The following MIPOL1 variants were observed in gnomAD, a reference collection of about 807,000 sequenced individuals.
The protein encoded by MIPOL1 is mirror-image polydactyly 1.
A neutral mutation model predicts 60.9 loss-of-function variants in MIPOL1; 57 were observed. The observed-to-expected ratio is 0.94, with a 90% CI of 0.76 to 1.17. MIPOL1 has a LOEUF of 1.17. MIPOL1 is among the 50% of genes most tolerant of loss of function. The pLI is 0.00. For missense variants in MIPOL1, 551 were observed against 511.6 expected, an observed-to-expected ratio of 1.08 and a Z score of -0.74; for synonymous variants, 179 against 168.8, an observed-to-expected ratio of 1.06 and a Z score of -0.47.
intron 9 of MIPOL1, among the ~76,000 whole-genome samples, chr14:37,344,358 T>C (rs2090790222): frequency 6.6e-6 from 1 of 151,992 alleles, no homozygotes; most frequent in Admixed American, 6.6e-5. Flanking sequence ...CTTTTCGAGT[T>C]TTCCAGTTTT....
chr14:37,443,723 G>T (rs2094288211), intron 11 of MIPOL1, among the ~76,000 whole-genome samples: 1 of 143,998 alleles, frequency 6.9e-6, no homozygotes, highest in Admixed American at 7.0e-5. Flanking sequence ...GAAAACTCAG[G>T]CCAAAGTCCT....
chr14:37,362,012 T>C (rs1366552645), intron 9 of MIPOL1, among the ~76,000 whole-genome samples: 1 of 152,188 alleles, frequency 6.6e-6, no homozygotes, highest in Non-Finnish European at 1.5e-5. Context: ...TGTCTCTGCA[T>C]GTGAGATGGG....
chr14:37,360,839 G>C (rs1487711720), intron 9 of MIPOL1, among the ~76,000 whole-genome samples: 4 of 152,182 alleles, frequency 2.6e-5, no homozygotes, highest in Middle Eastern at 3.4e-3. Flanking sequence ...TCTGATCTTA[G>C]TTATTTCTTG....
intron 9 of MIPOL1, among the ~76,000 whole-genome samples, chr14:37,351,056 CCCT>C (rs200100803): frequency 0.028 from 1,248 of 44,278 alleles, 52 homozygotes; most frequent in African/African-American, 0.08. Flanking sequence ...TATCCCTCCC[CCCT>C]CCCCCCACCC....
At chr14:37,521,435 A>G (rs183214643) in intron 12 of MIPOL1, among the ~76,000 whole-genome samples, 172 of 152,284 alleles carry the variant, frequency 1.1e-3, no homozygotes, top group African/African-American at 4.0e-3. Context: ...TGATCAAATG[A>G]ACACAATTTA....
chr14:37,316,185 C>T (rs1248859565), intron 9 of MIPOL1, among the ~76,000 whole-genome samples: 1 of 151,930 alleles, frequency 6.6e-6, no homozygotes, highest in African/African-American at 2.4e-5. Context: ...CACCACCATG[C>T]CTGGCTAATT....
intron 6 of MIPOL1, among the ~76,000 whole-genome samples, chr14:37,280,971 C>T (rs776198545): frequency 6.6e-6 from 1 of 152,142 alleles, no homozygotes; most frequent in Non-Finnish European, 1.5e-5. Flanking sequence ...TGTAGGTTGT[C>T]TCATTATTGT....
chr14:37,542,435 C>A (rs747184770), intron 12 of MIPOL1, among the ~76,000 whole-genome samples: 4 of 152,160 alleles, frequency 2.6e-5, no homozygotes, highest in Non-Finnish European at 4.4e-5. Flanking sequence ...GTATGGCCTA[C>A]CTGTCTAGCC....
At chr14:37,214,840 A>G (rs1055629640) in intron 1 of MIPOL1, among the ~76,000 whole-genome samples, 3 of 152,082 alleles carry the variant, frequency 2.0e-5, no homozygotes, top group Non-Finnish European at 4.4e-5. Context: ...CATCAGTGCC[A>G]AGGAAAAACA....
chr14:37,496,079 G>T (rs934042672), intron 11 of MIPOL1, among the ~76,000 whole-genome samples: 1 of 151,948 alleles, frequency 6.6e-6, no homozygotes, highest in Non-Finnish European at 1.5e-5. Flanking sequence ...TTTGTAGGTT[G>T]CCTGTTCACT....
At chr14:37,427,666 C>T (rs1447792001) in intron 11 of MIPOL1, among the ~76,000 whole-genome samples, 1 of 151,714 alleles carries the variant, frequency 6.6e-6, no homozygotes, top group African/African-American at 2.4e-5. Context: ...TTTAAGATTC[C>T]TGGGATGTAC....
At position 37,388,442 on chromosome 14, in the gene MIPOL1, A is replaced by G. The variant is rs1293550767; in HGVS notation, c.936+18818A>G. Among the ~76,000 whole-genome samples, 3 of 151,456 alleles carry G rather than the reference A, an allele frequency of 2.0e-5. No individual in the cohort carries two copies. The East Asian group carries it at 5.8e-4, about 29-fold the overall frequency. ...ATCGTTCACATAGTTGAAAAGACCA[A>G]GGACAGGGCTAACTTCCAGAGATTA... On this transcript the variant is annotated intron_variant, in intron 10 of 12. Transcript: ENST00000684589.
intron 12 of MIPOL1, chr14:37,507,897 A>G (rs139981836): frequency 8.2e-4 from 125 of 152,308 alleles, no homozygotes; most frequent in African/African-American, 2.9e-3. Context: ...CTATGTCATT[A>G]AAAGAATTAA....
chr14:37,458,575 C>G (rs551767733), intron 11 of MIPOL1, among the ~76,000 whole-genome samples: 5 of 152,076 alleles, frequency 3.3e-5, no homozygotes, highest in African/African-American at 1.2e-4. Flanking sequence ...GCCTGTAATG[C>G]CAGGAGGCTA....
intron 10 of MIPOL1, among the ~76,000 whole-genome samples, chr14:37,409,202 C>G (rs1301160683): frequency 1.3e-5 from 2 of 152,032 alleles, no homozygotes; most frequent in Admixed American, 1.3e-4. Context: ...AGTTAAAGAT[C>G]AATCAAGCAC....
At chr14:37,264,307 C>G (rs1014247818) in intron 3 of MIPOL1, among the ~76,000 whole-genome samples, 1 of 151,698 alleles carries the variant, frequency 6.6e-6, no homozygotes, top group Non-Finnish European at 1.5e-5. Flanking sequence ...ATGCCTGTTG[C>G]TTACTCACTA....
intron 3 of MIPOL1, among the ~76,000 whole-genome samples, chr14:37,263,663 T>C (rs1299912347): frequency 1.3e-5 from 2 of 152,198 alleles, no homozygotes; most frequent in Non-Finnish European, 2.9e-5. Context: ...AACTTTTGAA[T>C]GATGAAGAAG....
chr14:37,519,031 A>G (rs1229127279), intron 12 of MIPOL1, among the ~76,000 whole-genome samples: 1 of 152,222 alleles, frequency 6.6e-6, no homozygotes, highest in Non-Finnish European at 1.5e-5. Flanking sequence ...GTACAGAATA[A>G]TGTCAGTTAA....
chr14:37,425,829 G>A (rs2093951510), intron 11 of MIPOL1, among the ~76,000 whole-genome samples: 1 of 152,114 alleles, frequency 6.6e-6, no homozygotes, highest in Admixed American at 6.6e-5. Flanking sequence ...AGGACCAAAG[G>A]TATCCTTTAC....
Sources: allele counts gnomAD v4.1 joint callset (sites outside exome capture counted in the v4.1 genomes callset), GRCh38; gene constraint gnomAD v4.1.1; transcripts MANE v1.5; gene names NCBI Gene and HGNC (gene_info 2026-07-23, HGNC 2026-07-21).